CREBBP: variants seen among roughly 807,000 people sequenced by gnomAD.
CREBBP encodes CREB-binding protein.
Under a neutral mutation model 265.0 loss-of-function variants are expected in CREBBP, and 19 were observed. The ratio of observed to expected loss-of-function variants is 0.07; its 90% CI spans 0.05 to 0.11. The LOEUF (loss-of-function observed/expected upper bound fraction) is 0.11. Ranked by LOEUF, CREBBP falls within the 10% of genes least tolerant of loss-of-function variation. CREBBP has a pLI of 1.00. For synonymous variants in CREBBP, 1,457 were observed against 1,223.7 expected (o/e 1.19, Z -3.98); for missense variants, 2,525 against 3,219.0 (o/e 0.78, Z 5.22).
intron 2 of CREBBP, among the ~76,000 whole-genome samples, chr16:3,830,874 T>C (rs1021545457): frequency 3.3e-5 from 5 of 152,152 alleles, no homozygotes; most frequent in Admixed American, 3.3e-4. Flanking sequence ...CTCTACCTCC[T>C]GGGGTGAAGC....
intron 27 of CREBBP, 36 bp downstream of exon 27, chr16:3,736,614 T>C (rs772193549): frequency 2.0e-5 from 33 of 1,614,168 alleles, no homozygotes; most frequent in Non-Finnish European, 2.6e-5. Context: ...CCCTCAGTTG[T>C]GACAAAAGCC....
chr16:3,798,463 T>C (rs899498680), intron 3 of CREBBP, among the ~76,000 whole-genome samples: 32 of 152,154 alleles, frequency 2.1e-4, no homozygotes, highest in African/African-American at 7.5e-4. Context: ...TTTTAAAAAC[T>C]CTTACAACTC....
chr16:3,774,063 T>G, intron 12 of CREBBP, 133 bp from the exon 13 acceptor site: 1 of 986,278 alleles, frequency 1.0e-6, no homozygotes, highest in South Asian at 1.3e-5. Context: ...CTGCCCTTCC[T>G]CATGGGAAGA....
In CREBBP at chr16:3,778,295, T is replaced by G. The variant is rs919923990; in HGVS notation, c.1942-113A>C. ...TCCTCATTGAGTACACTGGCAAAAGTAGTATGCAAATACCTGATACACCAG... is the reference window on the plus strand; with the variant it reads ...TCCTCATTGAGTACACTGGCAAAAGGAGTATGCAAATACCTGATACACCAG... On this transcript the variant is annotated intron_variant, in intron 9 of 30. Coordinates refer to ENST00000262367, the MANE Select transcript of CREBBP (RefSeq NM_004380.3). The G allele has an allele frequency of 8.1e-6, 7 of 868,344 alleles. No individual in the cohort carries two copies. The African/African-American group carries it at 1.2e-4, about 15-fold the overall frequency. The allele number at this position is 868,344 out of a possible 1,614,324, so 53.8% of individuals were successfully genotyped here.
At position 3,728,583 on chromosome 16, in the gene CREBBP, G is replaced by C. The variant is rs1470176774; in HGVS notation, c.6464C>G (p.Pro2155Arg). Residue 2155 changes from proline (P) to arginine (R), a missense_variant, in exon 31 of 31, where the codon CCT (proline) becomes CGT (arginine). Around this residue, in one of 19 missense-constraint regions of CREBBP, gnomAD observed 473 missense variants for 459.3 expected, o/e 1.03. Coordinates refer to ENST00000262367, the MANE Select transcript of CREBBP (RefSeq NM_004380.3). This position sits in a 1 kb window ranked among gnomAD's most constrained non-coding sequence, Gnocchi z 8.7. ...GCCTCCCATCGCCTGCTGCTGTGGAGGCACACCGGGCCGCGGCACGCCAGC... is the reference window on the plus strand; with the variant it reads ...GCCTCCCATCGCCTGCTGCTGTGGACGCACACCGGGCCGCGGCACGCCAGC... ...MQAGVPRPGVPPQQQAMGGLN... is the reference protein window; with the variant it reads ...MQAGVPRPGVRPQQQAMGGLN... 6.2e-7 allele frequency: 1 copy of C among 1,613,942 alleles called. No homozygotes were observed. The highest frequency in any genetic ancestry group is 8.5e-7 in the Non-Finnish European group (1 of 1,179,988).
At chr16:3,870,081 T>G (rs1023140081) in intron 1 of CREBBP, among the ~76,000 whole-genome samples, 35 of 152,178 alleles carry the variant, frequency 2.3e-4, no homozygotes, top group Non-Finnish European at 1.0e-4. Context: ...TAAATCAGAT[T>G]TAAGTAAAGA....
At position 3,736,169 on chromosome 16, in the gene CREBBP, G is replaced by C; in HGVS notation, c.4595C>G (p.Thr1532Ser). The change falls in exon 28 of 31, where the codon ACC (threonine) becomes AGC (serine). Residue 1532 changes from threonine (T) to serine (S), a missense_variant. Physicochemically the swap from Thr to Ser is moderately conservative, Grantham distance 58. Around this residue, in one of 19 missense-constraint regions of CREBBP, gnomAD observed 93 missense variants for 161.5 expected, o/e 0.58. Transcript: ENST00000262367. ...AAAATAGGGCAGTTCCTTGGCACTG[G>C]TGAGCCTGTCTTCAGTTGCTTGTTT... The part of the protein sequence containing the change: ...IFKQATEDRL[T>S]SAKELPYFEG... 1 of 1,614,226 alleles carries C rather than the reference G, an allele frequency of 6.2e-7. No individual in the cohort carries two copies. Among genetic ancestry groups the C allele is most frequent in the Non-Finnish European group, 8.5e-7 (1 of 1,180,044 alleles).
At chr16:3,742,748 C>T (rs955280102) in intron 23 of CREBBP, 3 of 152,032 alleles carry the variant, frequency 2.0e-5, no homozygotes, top group African/African-American at 7.3e-5. Context: ...GACACCACAA[C>T]GCCTGTGCTG....
chr16:3,733,393 G>A (rs907832734), intron 28 of CREBBP, among the ~76,000 whole-genome samples: 33 of 150,430 alleles, frequency 2.2e-4, no homozygotes, highest in Middle Eastern at 6.9e-3. Context: ...CCACCCCACC[G>A]ACAAGCAGCC....
At chr16:3,828,106 T>C (rs1365529816) in intron 2 of CREBBP, among the ~76,000 whole-genome samples, 1 of 152,106 alleles carries the variant, frequency 6.6e-6, no homozygotes, top group Non-Finnish European at 1.5e-5. Flanking sequence ...TTGTTTTGTT[T>C]TTGAGACAGA....
At chr16:3,836,760 G>T (rs773472670) in intron 2 of CREBBP, among the ~76,000 whole-genome samples, 13 of 152,148 alleles carry the variant, frequency 8.5e-5, no homozygotes, top group Non-Finnish European at 1.0e-4. Flanking sequence ...TTTCGTACAA[G>T]AACAGTCATG....
intron 1 of CREBBP, among the ~76,000 whole-genome samples, chr16:3,864,944 G>C (rs1206243147): frequency 6.6e-6 from 1 of 152,158 alleles, no homozygotes; most frequent in Non-Finnish European, 1.5e-5. Flanking sequence ...GTGCATGCCT[G>C]TAATCCCAGG....
intron 23 of CREBBP, chr16:3,740,911 G>T (rs1056381298): frequency 1.1e-5 from 4 of 367,164 alleles, no homozygotes; most frequent in African/African-American, 8.5e-5. Context: ...GGCAGAGATG[G>T]CACACCCTCA....
At position 3,850,696 on chromosome 16, in the gene CREBBP, C is replaced by G. The variant is rs1490433676; in HGVS notation, c.399G>C (p.Leu133=). 6.2e-7 allele frequency: 1 copy of G among 1,614,018 alleles called. No individual in the cohort carries two copies. The highest frequency in any genetic ancestry group is 1.3e-5 in the African/African-American group (1 of 74,948). Residue 133 remains leucine, a synonymous_variant, in exon 2 of 31, where the codon CTG becomes CTC. Coordinates refer to ENST00000262367, the MANE Select transcript of CREBBP (RefSeq NM_004380.3). ...CAGAGGTGCTGGCTGCCTGTTTAGG[C>G]AGGCTGGGGGCTGAAGAATCTCCCT... The part of the protein sequence containing the change: ...LSQGDSSAPS[L]PKQAASTSGP...
intron 15 of CREBBP, among the ~76,000 whole-genome samples, chr16:3,768,651 C>T (rs2052923843): frequency 6.6e-6 from 1 of 152,154 alleles, no homozygotes; most frequent in African/African-American, 2.4e-5. Context: ...AGTTGGTGCT[C>T]ACAACCAGAC....
At chr16:3,796,534 C>T (rs2053612174) in intron 3 of CREBBP, among the ~76,000 whole-genome samples, 1 of 151,978 alleles carries the variant, frequency 6.6e-6, no homozygotes. Context: ...TTACAGATGC[C>T]CACCACCACG....
chr16:3,800,017 T>A (rs2053681051), intron 3 of CREBBP, among the ~76,000 whole-genome samples: 1 of 152,100 alleles, frequency 6.6e-6, no homozygotes, highest in Non-Finnish European at 1.5e-5. Flanking sequence ...AAAATTAAAT[T>A]GTAAAAGTAT....
intron 27 of CREBBP, 80 bp from the exon 28 acceptor site, chr16:3,736,283 G>A: frequency 7.0e-7 from 1 of 1,438,664 alleles, no homozygotes; most frequent in Non-Finnish European, 9.8e-7. Context: ...CCCCACGCAA[G>A]CGTGCCCCTC....
Position 3,857,651 on chromosome 16 carries a change from G to A in CREBBP, c.86-6642C>T, listed in dbSNP as rs187535245. Among the ~76,000 whole-genome samples, 72 of 152,298 alleles carry A rather than the reference G, an allele frequency of 4.7e-4. No individual in the cohort carries two copies. In the East Asian group the frequency reaches 9.1e-3, roughly 19 times the overall value. The stretch of plus-strand genomic sequence containing the variant: ...CAGGTAAGCCCTCTTCTCTCTGACC[G>A]TTACCAGGGGGCCCGGGAGAATGCA... On this transcript the variant is annotated intron_variant, in intron 1 of 30. Transcript: ENST00000262367.
Sources: allele counts gnomAD v4.1 joint callset (sites outside exome capture counted in the v4.1 genomes callset), GRCh38; gene constraint gnomAD v4.1.1; regional missense constraint gnomAD v4.1.1; non-coding constraint Gnocchi (gnomAD v3.1); transcripts MANE v1.5; gene names NCBI Gene and HGNC (gene_info 2026-07-23, HGNC 2026-07-21).